The following L3MBTL1 variants were observed in gnomAD, a reference collection of about 807,000 sequenced individuals.
The protein encoded by L3MBTL1 is L3MBTL histone methyl-lysine binding protein 1, also known as lethal(3)malignant brain tumor-like protein 1.
L3MBTL1 carries 75 observed loss-of-function variants against 105.3 expected under a neutral mutation model. The ratio of observed to expected loss-of-function variants is 0.71; its 90% CI spans 0.59 to 0.86. The LOEUF is 0.86. Among genes scored for constraint, L3MBTL1 ranks in the 40% least tolerant of loss-of-function variants. The pLI, the probability that L3MBTL1 is intolerant of heterozygous loss-of-function variation, is 0.00. For missense variants in L3MBTL1, 1,069 were observed against 1,126.4 expected, an observed-to-expected ratio of 0.95 and a Z score of 0.73; for synonymous variants, 452 against 436.2, an observed-to-expected ratio of 1.04 and a Z score of -0.45.
rs145986890 is a variant in L3MBTL1 at position 43,523,102 on chromosome 20, G to A, written c.863-5555G>A. 9.0e-4 allele frequency among the ~76,000 whole-genome samples: 137 copies of A among 151,676 alleles called. 2 individuals are homozygous for A. In the East Asian group the frequency reaches 0.017, roughly 19 times the overall value. ...AGCCTGGGTGACAGAGTGAGACCCT[G>A]TCTCAAAAAAAAATAATAAAAATAA... On this transcript the variant is annotated intron_variant, in intron 7 of 21. Transcript: ENST00000418998.
At chr20:43,540,358 C>G in intron 20 of L3MBTL1, 50 bp downstream of exon 20, 1 of 1,597,214 alleles carries the variant, frequency 6.3e-7, no homozygotes, top group Non-Finnish European at 8.5e-7. Context: ...CCTCCTCCCT[C>G]TCACCATACC....
downstream of L3MBTL1, among the ~76,000 whole-genome samples, chr20:43,543,608 TC>T: frequency 6.6e-6 from 1 of 152,286 alleles, no homozygotes; most frequent in South Asian, 2.1e-4. Flanking sequence ...GATCACCATC[TC>T]CAGTGTCTGG....
At chr20:43,522,462 T>TTTTTTG (rs1293266687) in intron 7 of L3MBTL1, among the ~76,000 whole-genome samples, 2 of 72,848 alleles carry the variant, frequency 2.7e-5, no homozygotes, top group Non-Finnish European at 5.5e-5. Context: ...GCTAAGTTTT[T>TTTTTTG]TTTTTTTTTT....
intron 4 of L3MBTL1, 87 bp downstream of exon 4, chr20:43,514,863 G>C: frequency 6.9e-7 from 1 of 1,456,650 alleles, no homozygotes; most frequent in Non-Finnish European, 9.2e-7. Context: ...GGCGGGGCCC[G>C]GGGTGGTCCT....
At chr20:43,528,925 G>T in intron 8 of L3MBTL1, 180 bp downstream of exon 8, 1 of 616,200 alleles carries the variant, frequency 1.6e-6, no homozygotes, top group South Asian at 1.9e-5. Context: ...GGGCTGGCAG[G>T]GTGGGAAGAA....
chr20:43,531,334 C>G (rs2019325224), intron 11 of L3MBTL1: 2 of 159,696 alleles, frequency 1.3e-5, no homozygotes, highest in South Asian at 1.8e-4. Flanking sequence ...TTCCTCTGTT[C>G]AGGGCAGCTG....
At chr20:43,544,800 A>G (rs1240723650), downstream of L3MBTL1, among the ~76,000 whole-genome samples, 1 of 152,088 alleles carries the variant, frequency 6.6e-6, no homozygotes, top group Admixed American at 6.6e-5. Context: ...CCCAGTCTCT[A>G]TGAAAAATTA....
chr20:43,515,252 A>C, intron 5 of L3MBTL1, 40 bp from the exon 6 acceptor site: 1 of 1,612,294 alleles, frequency 6.2e-7, no homozygotes, highest in Non-Finnish European at 8.5e-7. Flanking sequence ...TGGGTGGTGC[A>C]GGGCGGGTGG....
intron 11 of L3MBTL1, 180 bp from the exon 12 acceptor site, chr20:43,532,593 T>G (rs1377651291): frequency 1.6e-6 from 1 of 621,122 alleles, no homozygotes; most frequent in Non-Finnish European, 2.7e-6. Flanking sequence ...CCTGAGTGCC[T>G]CAGGGCTCAG....
At chr20:43,522,971 G>T (rs889946863) in intron 7 of L3MBTL1, among the ~76,000 whole-genome samples, 1 of 151,654 alleles carries the variant, frequency 6.6e-6, no homozygotes, top group Non-Finnish European at 1.5e-5. Flanking sequence ...AGCTGGGCAT[G>T]GTGGTGCACG....
intron 7 of L3MBTL1, chr20:43,523,329 A>T (rs2018835824): frequency 1.4e-5 from 3 of 217,906 alleles, no homozygotes; most frequent in Admixed American, 1.2e-4. Flanking sequence ...TGGAGACATA[A>T]ATTTTCCAGA....
chr20:43,523,609 C>CTA, intron 7 of L3MBTL1: 1 of 218,410 alleles, frequency 4.6e-6, no homozygotes, highest in Non-Finnish European at 9.7e-6. Flanking sequence ...AGACAGTAGA[C>CTA]TATAGCAGGC....
rs868489284 is a variant in L3MBTL1, at chr20:43,539,910, G to A, written c.2174-241G>A. The A allele has an allele frequency of 1.3e-5, 8 of 602,542 alleles. No individual in the cohort carries two copies. The Middle Eastern group carries it at 2.7e-3, about 203-fold the overall frequency. The allele number at this position is 602,542 out of a possible 1,614,324, so 37.3% of individuals were successfully genotyped here. On this transcript the variant is annotated intron_variant, in intron 19 of 21. Coordinates refer to ENST00000418998, the MANE Select transcript of L3MBTL1 (RefSeq NM_001377303.1). ...TGGTGCAGCCTCAGAGAGACGGGGT[G>A]AGGGTCATTCCGAATAGCTGACCTG...
exon 19 of L3MBTL1, chr20:43,548,566 T>C (rs75756070): frequency 0.021 from 3,875 of 180,744 alleles, 164 homozygotes; most frequent in African/African-American, 0.087. Flanking sequence ...AGGGTCTTTT[T>C]CTTGGCAGTG....
rs969588282 is a variant in L3MBTL1, at chr20:43,514,031, C to T, written c.330C>T (p.Ala110=). 1.3e-6 allele frequency: 2 copies of T among 1,536,506 alleles called. No individual in the cohort carries two copies. The highest frequency in any genetic ancestry group is 2.4e-5 in the East Asian group (1 of 40,900). Residue 110 remains alanine, a synonymous_variant, in exon 3 of 22, where the codon GCC becomes GCT. Transcript: ENST00000418998. ...STVRLLEWTE[A]AAPPPGGGLR... is the part of the protein sequence containing the mutation. The stretch of plus-strand genomic sequence containing the variant: ...TGCGGCTTCTGGAATGGACAGAGGC[C>T]GCGGCCCCGCCCCCAGGGGGCGGCC...
chr20:43,527,478 C>G (rs556707858), intron 7 of L3MBTL1, among the ~76,000 whole-genome samples: 30 of 152,154 alleles, frequency 2.0e-4, no homozygotes, highest in Non-Finnish European at 4.1e-4. Flanking sequence ...GTATTCATCT[C>G]CCTCCCCAGG....
chr20:43,509,858 ACT>A (rs2018084784), intron 1 of L3MBTL1, among the ~76,000 whole-genome samples: 1 of 151,876 alleles, frequency 6.6e-6, no homozygotes, highest in Admixed American at 6.6e-5. Context: ...AAAAAGATTA[ACT>A]CTATTTATTT....
intron 7 of L3MBTL1, among the ~76,000 whole-genome samples, chr20:43,522,843 C>G (rs965312537): frequency 4.9e-5 from 7 of 143,504 alleles, no homozygotes; most frequent in African/African-American, 1.3e-4. Context: ...TAGCTCACCT[C>G]TATAATCCCA....
At chr20:43,548,357 A>C in exon 19 of L3MBTL1, 1 of 983,518 alleles carries the variant, frequency 1.0e-6, no homozygotes, top group Non-Finnish European at 1.4e-6. Flanking sequence ...CTCCACCTAT[A>C]TCTGACCAGG....
Sources: gnomAD v4.1 joint callset for allele counts (sites outside exome capture counted in the v4.1 genomes callset) on GRCh38, gnomAD v4.1.1 for gene constraint, MANE v1.5 for transcripts, NCBI Gene and HGNC (gene_info 2026-07-23, HGNC 2026-07-21) for gene names.